The following MACROD2 variants were observed in gnomAD, a reference collection of about 807,000 sequenced individuals.
MACROD2 encodes mono-ADP ribosylhydrolase 2.
Under a neutral mutation model 70.4 loss-of-function variants are expected in MACROD2, and 36 were observed. The ratio of observed to expected loss-of-function variants is 0.51; its 90% CI spans 0.39 to 0.68. The LOEUF is 0.68. Ranked by LOEUF, MACROD2 falls within the 30% of genes least tolerant of loss-of-function variation. MACROD2 has a pLI of 0.00. For missense variants in MACROD2, 496 were observed against 538.4 expected (o/e 0.92, Z 0.78); for synonymous variants, 172 against 178.8 (o/e 0.96, Z 0.30).
chr20:14,047,933 G>A (rs1225672334), intron 2 of MACROD2, among the ~76,000 whole-genome samples: 1 of 150,488 alleles, frequency 6.6e-6, no homozygotes, highest in Non-Finnish European at 1.5e-5. Flanking sequence ...AAAATTTCAA[G>A]TATCAAAAGA....
chr20:15,258,669 C>G (rs1376955655), intron 6 of MACROD2, among the ~76,000 whole-genome samples: 1 of 151,930 alleles, frequency 6.6e-6, no homozygotes, highest in Admixed American at 6.6e-5. Flanking sequence ...AGAACATATC[C>G]CCATCATTAA....
intron 8 of MACROD2, among the ~76,000 whole-genome samples, chr20:15,514,092 G>A (rs541399268): frequency 1.5e-3 from 227 of 152,292 alleles, no homozygotes; most frequent in African/African-American, 5.2e-3. Flanking sequence ...GCTATAAAAT[G>A]TGTTTCTATT....
At chr20:15,999,702 A>T (rs935543185) in intron 15 of MACROD2, among the ~76,000 whole-genome samples, 5 of 152,192 alleles carry the variant, frequency 3.3e-5, no homozygotes, top group Non-Finnish European at 7.3e-5. Context: ...TGATAAATTG[A>T]TTCCTTTATT....
At chr20:16,034,725 T>G (rs1007337234) in intron 15 of MACROD2, among the ~76,000 whole-genome samples, 15 of 151,994 alleles carry the variant, frequency 9.9e-5, no homozygotes, top group African/African-American at 3.6e-4. Flanking sequence ...AGTAAGTTCT[T>G]TAGTGGTGAT....
chr20:15,540,633 G>A (rs1329391008), intron 8 of MACROD2, among the ~76,000 whole-genome samples: 1 of 152,202 alleles, frequency 6.6e-6, no homozygotes, highest in East Asian at 1.9e-4. Flanking sequence ...GTAACAAAGT[G>A]CACAAATTGA....
chr20:15,687,963 G>A (rs2050249640), intron 8 of MACROD2, among the ~76,000 whole-genome samples: 2 of 152,080 alleles, frequency 1.3e-5, no homozygotes, highest in Admixed American at 6.5e-5. Flanking sequence ...CTGTCTCTCT[G>A]TGGAATTTCA....
intron 6 of MACROD2, among the ~76,000 whole-genome samples, chr20:15,369,932 A>C (rs1311772594): frequency 6.6e-6 from 1 of 152,180 alleles, no homozygotes; most frequent in African/African-American, 2.4e-5. Flanking sequence ...GAATCATTTC[A>C]TAATGAAATG....
chr20:15,733,802 CTGTATT>C (rs2050980086), intron 8 of MACROD2, among the ~76,000 whole-genome samples: 1 of 152,110 alleles, frequency 6.6e-6, no homozygotes, highest in African/African-American at 2.4e-5. Flanking sequence ...TTTTTATTAT[CTGTATT>C]TTTGCCTTAT....
intron 15 of MACROD2, among the ~76,000 whole-genome samples, chr20:16,026,821 T>A (rs900190418): frequency 6.6e-6 from 1 of 151,980 alleles, no homozygotes; most frequent in African/African-American, 2.4e-5. Context: ...ACGAGGAGGG[T>A]TTCGGCAAAG....
At chr20:14,087,148 A>C (rs2054087020) in intron 3 of MACROD2, among the ~76,000 whole-genome samples, 1 of 152,156 alleles carries the variant, frequency 6.6e-6, no homozygotes, top group Non-Finnish European at 1.5e-5. Context: ...TAAGCCCAGC[A>C]CTTTGGGAGG....
intron 5 of MACROD2, among the ~76,000 whole-genome samples, chr20:15,204,081 G>T (rs1419777571): frequency 6.6e-6 from 1 of 151,886 alleles, no homozygotes; most frequent in Non-Finnish European, 1.5e-5. Flanking sequence ...CCAATAATAG[G>T]TTTTACTTTA....
In MACROD2 at chr20:14,954,195, A is replaced by G. The variant is rs1245538442; in HGVS notation, c.418+269236A>G. Among the ~76,000 whole-genome samples the G allele has an allele frequency of 2.0e-5, 3 of 152,018 alleles. No individual in the cohort carries two copies. In the South Asian group the frequency reaches 6.2e-4, roughly 31 times the overall value. On this transcript the variant is annotated intron_variant, in intron 5 of 17. Transcript: ENST00000684519. ...AAAATCAATACCTGGGACAGCTTAT[A>G]AACTATTCTTCATAATCCCTTTGGG...
At chr20:15,407,356 A>T (rs1172795242) in intron 6 of MACROD2, among the ~76,000 whole-genome samples, 1 of 152,166 alleles carries the variant, frequency 6.6e-6, no homozygotes, top group African/African-American at 2.4e-5. Flanking sequence ...CCCCAACAGG[A>T]TGGAGCACCA....
intron 8 of MACROD2, among the ~76,000 whole-genome samples, chr20:15,522,419 A>G (rs1224021478): frequency 6.6e-6 from 1 of 152,262 alleles, no homozygotes; most frequent in Non-Finnish European, 1.5e-5. Flanking sequence ...AAATCACACC[A>G]AATCACTAGT....
At chr20:15,021,139 T>G (rs2075170607) in intron 5 of MACROD2, among the ~76,000 whole-genome samples, 1 of 130,830 alleles carries the variant, frequency 7.6e-6, no homozygotes, top group African/African-American at 2.9e-5. Context: ...TACACATACG[T>G]GTGTGTATAC....
At chr20:14,479,551 C>T (rs1357579694) in intron 3 of MACROD2, among the ~76,000 whole-genome samples, 2 of 152,108 alleles carry the variant, frequency 1.3e-5, no homozygotes, top group East Asian at 1.9e-4. Context: ...TATGCTGTTC[C>T]TCCAGACCTG....
chr20:15,140,097 A>G (rs1728122968), intron 5 of MACROD2, among the ~76,000 whole-genome samples: 1 of 152,190 alleles, frequency 6.6e-6, no homozygotes, highest in Admixed American at 6.5e-5. Flanking sequence ...TCACGTTTGC[A>G]AGAAATGTAG....
intron 8 of MACROD2, among the ~76,000 whole-genome samples, chr20:15,569,927 T>A (rs1600605254): frequency 6.6e-6 from 1 of 152,192 alleles, no homozygotes; most frequent in East Asian, 1.9e-4. Flanking sequence ...TTGGGTATAG[T>A]GAATGATACT....
intron 3 of MACROD2, among the ~76,000 whole-genome samples, chr20:14,093,668 C>A (rs1405838926): frequency 6.9e-6 from 1 of 144,956 alleles, no homozygotes; most frequent in African/African-American, 2.5e-5. Context: ...ACTCATTTGA[C>A]AAAAAAAAAA....
Sources: allele counts gnomAD v4.1 joint callset (sites outside exome capture counted in the v4.1 genomes callset), GRCh38; gene constraint gnomAD v4.1.1; transcripts MANE v1.5; gene names NCBI Gene and HGNC (gene_info 2026-07-23, HGNC 2026-07-21).